Variants in FEZ1 observed in about 807,000 individuals in gnomAD.
FEZ1 encodes the protein fasciculation and elongation protein zeta 1.
FEZ1 carries 20 observed loss-of-function variants against 49.3 expected under a neutral mutation model. The ratio of observed to expected loss-of-function variants is 0.41; its 90% CI spans 0.29 to 0.59. FEZ1 has a LOEUF of 0.59. Among genes scored for constraint, FEZ1 ranks in the 20% least tolerant of loss-of-function variants. The pLI is 0.36. For synonymous variants in FEZ1, 170 were observed against 180.9 expected (o/e 0.94, Z 0.48); for missense variants, 413 against 476.0 (o/e 0.87, Z 1.23).
chr11:125,491,353 C>T (rs1236815909), intron 1 of FEZ1, among the ~76,000 whole-genome samples: 4 of 152,152 alleles, frequency 2.6e-5, no homozygotes, highest in African/African-American at 9.7e-5. Flanking sequence ...TTAAATTCCT[C>T]GAGGACACAG....
At chr11:125,461,947 T>A (rs776563766) in intron 4 of FEZ1, among the ~76,000 whole-genome samples, 18 of 152,204 alleles carry the variant, frequency 1.2e-4, no homozygotes, top group Non-Finnish European at 2.2e-4. Context: ...ATGACACAAG[T>A]CCCTGTCAGG....
intron 7 of FEZ1, 200 bp downstream of exon 7, chr11:125,453,928 CAA>C (rs34707154): frequency 0.13 from 31,972 of 242,036 alleles, 194 homozygotes; most frequent in East Asian, 0.17. Context: ...CACTAGAGCT[CAA>C]AAAAAAAAAA....
At chr11:125,488,791 T>C in intron 2 of FEZ1, 13 of 985,362 alleles carry the variant, frequency 1.3e-5, no homozygotes, top group Non-Finnish European at 1.6e-5. Flanking sequence ...GTGTAACATA[T>C]CACCCCCTTC....
chr11:125,474,928 C>T (rs914164615), intron 3 of FEZ1, among the ~76,000 whole-genome samples: 3 of 151,798 alleles, frequency 2.0e-5, no homozygotes, highest in Non-Finnish European at 4.4e-5. Context: ...ACTAAGAACA[C>T]AAACAATGTA....
chr11:125,473,061 A>G, intron 3 of FEZ1, among the ~76,000 whole-genome samples: 1 of 152,302 alleles, frequency 6.6e-6, no homozygotes, highest in East Asian at 1.9e-4. Flanking sequence ...AGAAAAAAAA[A>G]GGACACAGTT....
At position 125,495,310 on chromosome 11, in the gene FEZ1, A is replaced by G. The variant is rs1957448300; in HGVS notation, c.-46+811T>C. The G allele has an allele frequency of 2.2e-6, 1 of 459,252 alleles. No homozygotes were observed. Among genetic ancestry groups the G allele is most frequent in the East Asian group, 7.1e-5 (1 of 14,168 alleles). 28.4% of individuals were successfully genotyped at this position (459,252 alleles called of 1,614,324 possible). ...CCGGCCAAACAAGCCCGGACACGGG[A>G]GAGGGATGAGAGTCGGGGATGCCTA... On this transcript the variant is annotated intron_variant, in intron 1 of 9. Coordinates refer to ENST00000278919, the MANE Select transcript of FEZ1 (RefSeq NM_005103.5). This position sits in a 1 kb window ranked among gnomAD's most constrained non-coding sequence, Gnocchi z 4.2.
At chr11:125,457,226 T>C (rs977292265) in intron 5 of FEZ1, among the ~76,000 whole-genome samples, 1 of 148,210 alleles carries the variant, frequency 6.7e-6, no homozygotes, top group Non-Finnish European at 1.5e-5. Flanking sequence ...ATAAAAACTT[T>C]ATACCCTTTA....
intron 8 of FEZ1, chr11:125,451,490 T>C (rs1445143238): frequency 1.3e-5 from 2 of 152,354 alleles, no homozygotes; most frequent in South Asian, 2.1e-4. Flanking sequence ...GGGTATCCAG[T>C]AGCCCCGCAC....
intron 3 of FEZ1, among the ~76,000 whole-genome samples, chr11:125,478,948 G>C (rs1012271973): frequency 6.6e-6 from 1 of 152,168 alleles, no homozygotes; most frequent in African/African-American, 2.4e-5. Flanking sequence ...TGACGGACCT[G>C]ATTTAATTTC....
intron 5 of FEZ1, 51 bp from the exon 6 acceptor site, chr11:125,456,157 C>T (rs1206175963): frequency 4.6e-6 from 7 of 1,511,944 alleles, no homozygotes; most frequent in Middle Eastern, 1.8e-4. Flanking sequence ...CACCAGAGCC[C>T]GCTGGGGAGG....
At chr11:125,490,109 GA>G (rs1263875467) in intron 1 of FEZ1, among the ~76,000 whole-genome samples, 1 of 152,164 alleles carries the variant, frequency 6.6e-6, no homozygotes, top group African/African-American at 2.4e-5. Context: ...AAACACAGGT[GA>G]GTGCTTAAAA....
At chr11:125,473,099 A>T (rs1957197191) in intron 3 of FEZ1, among the ~76,000 whole-genome samples, 1 of 152,204 alleles carries the variant, frequency 6.6e-6, no homozygotes. Flanking sequence ...TTATTTCAAG[A>T]CTTACCATAA....
Position 125,445,898 on chromosome 11 carries a change from T to G in FEZ1, c.*197A>C. 1.6e-6 allele frequency: 1 copy of G among 641,560 alleles called. No homozygotes were observed. The highest frequency in any genetic ancestry group is 2.9e-6 in the Non-Finnish European group (1 of 345,360). 39.7% of individuals were successfully genotyped at this position (641,560 alleles called of 1,614,324 possible). ...AAGGGGGAGGCACCATCACCGGCCC[T>G]GCCCCATCATGCATCCAATGATTAC... On this transcript the variant is annotated 3_prime_UTR_variant, in exon 10 of 10. Coordinates refer to ENST00000278919, the MANE Select transcript of FEZ1 (RefSeq NM_005103.5). The surrounding 1 kb of genome is among the most constrained non-coding windows in gnomAD (Gnocchi z 4.4).
chr11:125,469,586 C>T (rs1025557476), intron 3 of FEZ1, among the ~76,000 whole-genome samples: 3 of 151,992 alleles, frequency 2.0e-5, no homozygotes, highest in South Asian at 2.1e-4. Flanking sequence ...TTTTTAGAGA[C>T]AGGGGCTTGC....
At chr11:125,446,642 TTTGTTGTTGTTG>T (rs149136142) in intron 9 of FEZ1, among the ~76,000 whole-genome samples, 1 of 151,198 alleles carries the variant, frequency 6.6e-6, no homozygotes, top group Non-Finnish European at 1.5e-5. Context: ...TTTTTTGTGT[TTTGTTGTTGTTG>T]TTGTTGTTGT....
rs1349651438 is a variant in FEZ1 at position 125,495,311 on chromosome 11, G to A, written c.-46+810C>T. The stretch of plus-strand genomic sequence containing the variant: ...CGGCCAAACAAGCCCGGACACGGGA[G>A]AGGGATGAGAGTCGGGGATGCCTAG... On this transcript the variant is annotated intron_variant, in intron 1 of 9. Coordinates refer to ENST00000278919, the MANE Select transcript of FEZ1 (RefSeq NM_005103.5). This position sits in a 1 kb window ranked among gnomAD's most constrained non-coding sequence, Gnocchi z 4.2. 1 of 460,264 alleles carries A rather than the reference G, an allele frequency of 2.2e-6. No homozygotes were observed. Among genetic ancestry groups the A allele is most frequent in the Non-Finnish European group, 4.5e-6 (1 of 220,028 alleles). 28.5% of individuals were successfully genotyped at this position (460,264 alleles called of 1,614,324 possible). A position where few individuals can be genotyped will look rare whatever the true frequency, so the allele number is the denominator to read the frequency against.
chr11:125,470,107 A>C (rs1376923499), intron 3 of FEZ1, among the ~76,000 whole-genome samples: 1 of 152,202 alleles, frequency 6.6e-6, no homozygotes, highest in Non-Finnish European at 1.5e-5. Context: ...TGTATAGAGA[A>C]GAGAAATCAA....
intron 4 of FEZ1, among the ~76,000 whole-genome samples, chr11:125,462,606 G>A (rs1401901916): frequency 6.6e-6 from 1 of 152,212 alleles, no homozygotes; most frequent in Non-Finnish European, 1.5e-5. Flanking sequence ...GCTCCTATCA[G>A]AGACTGACCC....
rs1053504307 is a variant in FEZ1 at position 125,495,253 on chromosome 11, C to A, written c.-46+868G>T. ...CACTCTGAGGAAGCCGGACTCATCC[C>A]GTGCAGGCCGCATACACACTCCACT... On this transcript the variant is annotated intron_variant, in intron 1 of 9. Transcript: ENST00000278919. The surrounding 1 kb of genome is among the most constrained non-coding windows in gnomAD (Gnocchi z 4.2). 1 of 399,472 alleles carries A rather than the reference C, an allele frequency of 2.5e-6. No homozygotes were observed. The allele number at this position is 399,472 out of a possible 1,614,324, so 24.7% of individuals were successfully genotyped here.
Sources: gnomAD v4.1 joint callset for allele counts (sites outside exome capture counted in the v4.1 genomes callset) on GRCh38, gnomAD v4.1.1 for gene constraint, Gnocchi (gnomAD v3.1) non-coding constraint, MANE v1.5 for transcripts, NCBI Gene and HGNC (gene_info 2026-07-23, HGNC 2026-07-21) for gene names.